Variants in KCNH8 observed in about 807,000 individuals in gnomAD.
KCNH8 encodes potassium voltage-gated channel subfamily H member 8, also known as voltage-gated delayed rectifier potassium channel KCNH8.
Under a neutral mutation model 103.6 loss-of-function variants are expected in KCNH8, and 70 were observed. The observed-to-expected ratio is 0.68, with a 90% confidence interval of 0.56 to 0.82. KCNH8 has a LOEUF of 0.82. Among genes scored for constraint, KCNH8 ranks in the 40% least tolerant of loss-of-function variants. The probability of loss-of-function intolerance (pLI) is 0.00; values close to 1 mark genes in which losing one functional copy is unlikely to be tolerated. For missense variants in KCNH8, 1,217 were observed against 1,329.9 expected (o/e 0.92, Z 1.32); for synonymous variants, 498 against 489.4 (o/e 1.02, Z -0.23).
chr3:19,389,591 A>G lies in KCNH8; in HGVS notation c.812-890A>G, dbSNP rs573055742. ...TACATGGAAATAAGTAATATTATAT[A>G]AAATAAGGAATATAGATTTCAGATT... On this transcript the variant is annotated intron_variant, in intron 5 of 15. Transcript: ENST00000328405. 2.0e-5 allele frequency among the ~76,000 whole-genome samples: 3 copies of G among 152,176 alleles called. No homozygotes were observed. In the East Asian group the frequency reaches 5.8e-4, roughly 29 times the overall value.
chr3:19,373,881 A>C (rs1311209529), intron 5 of KCNH8, among the ~76,000 whole-genome samples: 2 of 152,140 alleles, frequency 1.3e-5, no homozygotes, highest in Non-Finnish European at 2.9e-5. Flanking sequence ...TTAGTCATTC[A>C]GGAGCAGGTT....
chr3:19,502,219 T>C (rs1160129914), intron 11 of KCNH8, among the ~76,000 whole-genome samples: 2 of 151,196 alleles, frequency 1.3e-5, no homozygotes, highest in African/African-American at 4.9e-5. Flanking sequence ...TTACAAGGGA[T>C]GTGAAGGGCC....
intron 2 of KCNH8, among the ~76,000 whole-genome samples, chr3:19,279,191 G>A (rs1353151870): frequency 6.6e-6 from 1 of 152,054 alleles, no homozygotes; most frequent in Non-Finnish European, 1.5e-5. Flanking sequence ...ATTGAAAAAG[G>A]CTCCCAGTCT....
At chr3:19,284,060 C>T (rs1406990851) in intron 3 of KCNH8, among the ~76,000 whole-genome samples, 2 of 151,774 alleles carry the variant, frequency 1.3e-5, no homozygotes, top group Non-Finnish European at 2.9e-5. Flanking sequence ...CACACCTTAA[C>T]ATATGATATT....
At chr3:19,374,685 G>A (rs1291746813) in intron 5 of KCNH8, among the ~76,000 whole-genome samples, 2 of 151,886 alleles carry the variant, frequency 1.3e-5, no homozygotes, top group Admixed American at 1.3e-4. Context: ...AGTTGATGCA[G>A]TTTCTTCCTA....
At chr3:19,403,435 T>C (rs1370938262) in intron 7 of KCNH8, among the ~76,000 whole-genome samples, 1 of 147,240 alleles carries the variant, frequency 6.8e-6, no homozygotes, top group Non-Finnish European at 1.5e-5. Flanking sequence ...TAAAGAACAA[T>C]CTTTAACTAT....
chr3:19,160,627 T>C (rs1402423907), intron 1 of KCNH8, among the ~76,000 whole-genome samples: 1 of 152,186 alleles, frequency 6.6e-6, no homozygotes, highest in Non-Finnish European at 1.5e-5. Context: ...ATTTCAATTA[T>C]GTTCTGTGAG....
At chr3:19,376,976 A>T (rs1269777059) in intron 5 of KCNH8, among the ~76,000 whole-genome samples, 2 of 152,350 alleles carry the variant, frequency 1.3e-5, no homozygotes, top group African/African-American at 4.8e-5. Context: ...AGAGAATGAG[A>T]TGGCACAACC....
At chr3:19,257,868 C>T (rs2064366581) in intron 2 of KCNH8, among the ~76,000 whole-genome samples, 1 of 152,026 alleles carries the variant, frequency 6.6e-6, no homozygotes, top group East Asian at 1.9e-4. Flanking sequence ...GGGTTGGTTT[C>T]TTCTGAAGGA....
rs140422828 is a variant in KCNH8 at position 19,428,722 on chromosome 3, A to G, written c.1178-9442A>G. On this transcript the variant is annotated intron_variant, in intron 7 of 15. Coordinates refer to ENST00000328405, the MANE Select transcript of KCNH8 (RefSeq NM_144633.3). ...AAAAGAATAAGTAAACTTACATTACATAACCACTAAGAGGCAGAACTAAGA... is the reference window on the plus strand; with the variant it reads ...AAAAGAATAAGTAAACTTACATTACGTAACCACTAAGAGGCAGAACTAAGA... Among the ~76,000 whole-genome samples the G allele has an allele frequency of 5.9e-3, 898 of 152,376 alleles. 10 individuals carry two copies. Among genetic ancestry groups the G allele is most frequent in the African/African-American group, 0.021 (862 of 41,594 alleles).
intron 1 of KCNH8, among the ~76,000 whole-genome samples, chr3:19,154,910 A>T (rs1311911802): frequency 4.6e-5 from 7 of 152,344 alleles, no homozygotes; most frequent in East Asian, 1.9e-4. Context: ...ATCTCATCTA[A>T]ATGCTGTGTT....
intron 2 of KCNH8, among the ~76,000 whole-genome samples, chr3:19,275,625 A>G (rs1384400963): frequency 1.3e-5 from 2 of 152,132 alleles, no homozygotes; most frequent in Non-Finnish European, 2.9e-5. Context: ...CTAAAGAACC[A>G]TTACTTTCAT....
At position 19,266,459 on chromosome 3, in the gene KCNH8, A is replaced by G. The variant is rs559262997; in HGVS notation, c.310+12572A>G. 1.1e-4 allele frequency among the ~76,000 whole-genome samples: 16 copies of G among 152,156 alleles called. No individual in the cohort carries two copies. The South Asian group carries it at 2.9e-3, about 28-fold the overall frequency. ...AACTATTGAGATTCAATTCAAGCCT[A>G]TTTCATCTATGAGGCTTTCAACTAT... On this transcript the variant is annotated intron_variant, in intron 2 of 15. Coordinates refer to ENST00000328405, the MANE Select transcript of KCNH8 (RefSeq NM_144633.3).
At chr3:19,423,055 A>G (rs1008926419) in intron 7 of KCNH8, among the ~76,000 whole-genome samples, 2 of 152,126 alleles carry the variant, frequency 1.3e-5, no homozygotes, top group Non-Finnish European at 2.9e-5. Context: ...ATGATTAGAA[A>G]TTATTATCTC....
At chr3:19,432,374 A>C (rs1447246769) in intron 7 of KCNH8, among the ~76,000 whole-genome samples, 1 of 152,186 alleles carries the variant, frequency 6.6e-6, no homozygotes, top group Non-Finnish European at 1.5e-5. Flanking sequence ...TTGAGACGAG[A>C]CCTGTCACTT....
At chr3:19,289,635 A>G (rs982706586) in intron 3 of KCNH8, among the ~76,000 whole-genome samples, 2 of 152,164 alleles carry the variant, frequency 1.3e-5, no homozygotes, top group Admixed American at 6.5e-5. Context: ...GTAGCCTTGT[A>G]GTATAGTTTG....
chr3:19,291,646 G>A (rs2064928406), intron 3 of KCNH8, among the ~76,000 whole-genome samples: 1 of 152,208 alleles, frequency 6.6e-6, no homozygotes, highest in Non-Finnish European at 1.5e-5. Flanking sequence ...CACTTGCTGA[G>A]GAGAGCTTTA....
At position 19,249,407 on chromosome 3, in the gene KCNH8, A is replaced by G. The variant is rs141994160; in HGVS notation, c.77-4247A>G. Among the ~76,000 whole-genome samples, 28 of 152,356 alleles carry G rather than the reference A, an allele frequency of 1.8e-4. 1 individual carries two copies. The East Asian group carries it at 5.0e-3, about 27-fold the overall frequency. ...CTTTAGAATTGAAATGCAATTACAC[A>G]TCGAGGACAAGTGCTAAATATAAAC... On this transcript the variant is annotated intron_variant, in intron 1 of 15. Transcript: ENST00000328405.
At chr3:19,530,990 C>T (rs1367051426) in intron 15 of KCNH8, among the ~76,000 whole-genome samples, 1 of 152,160 alleles carries the variant, frequency 6.6e-6, no homozygotes, top group African/African-American at 2.4e-5. Flanking sequence ...GGAAAGTGTA[C>T]CTGAAAGCAC....
Sources: allele counts gnomAD v4.1 joint callset (sites outside exome capture counted in the v4.1 genomes callset), GRCh38; gene constraint gnomAD v4.1.1; transcripts MANE v1.5; gene names NCBI Gene and HGNC (gene_info 2026-07-23, HGNC 2026-07-21).